The following SKAP1 variants were observed in gnomAD, a reference collection of about 807,000 sequenced individuals.
SKAP1 encodes src kinase associated phosphoprotein 1, also known as src kinase-associated phosphoprotein 1.
In SKAP1, 44 loss-of-function variants were observed where a neutral mutation model predicts 58.5. The observed-to-expected ratio is 0.75, with a 90% CI of 0.59 to 0.97. The LOEUF (loss-of-function observed/expected upper bound fraction) is 0.97, where lower values mean the gene tolerates loss of function less well. Ranked by LOEUF, SKAP1 falls within the 50% of genes least tolerant of loss-of-function variation. SKAP1 has a pLI of 0.00. For missense variants in SKAP1, 390 were observed against 435.2 expected, an observed-to-expected ratio of 0.90 and a Z score of 0.92; for synonymous variants, 127 against 149.7, an observed-to-expected ratio of 0.85 and a Z score of 1.11.
At chr17:48,306,716 T>C (rs2066146689) in intron 4 of SKAP1, among the ~76,000 whole-genome samples, 1 of 152,220 alleles carries the variant, frequency 6.6e-6, no homozygotes, top group African/African-American at 2.4e-5. Flanking sequence ...AATTTCAATT[T>C]TAGAATGAAT....
At chr17:48,442,099 T>C in the SKAP1 span, among the ~76,000 whole-genome samples, 2 of 152,110 alleles carry the variant, frequency 1.3e-5, no homozygotes, top group African/African-American at 4.8e-5. Context: ...TTTAGTGTTT[T>C]AAGGAGGAGG....
intron 11 of SKAP1, among the ~76,000 whole-genome samples, chr17:48,141,674 GC>G (rs2063769195): frequency 6.6e-6 from 1 of 152,058 alleles, no homozygotes; most frequent in Admixed American, 6.5e-5. Context: ...ACTGTGCCTG[GC>G]CACCCCTTAA....
intron 3 of SKAP1, among the ~76,000 whole-genome samples, chr17:48,360,911 A>C (rs758552652): frequency 1.1e-4 from 17 of 152,120 alleles, no homozygotes; most frequent in Non-Finnish European, 1.8e-4. Context: ...ATTACTACTA[A>C]TCTTCAACAA....
chr17:48,289,017 G>A (rs1181763871), intron 4 of SKAP1, among the ~76,000 whole-genome samples: 1 of 152,010 alleles, frequency 6.6e-6, no homozygotes, highest in African/African-American at 2.4e-5. Context: ...TAAAACAGAG[G>A]CATCCCCAGG....
At chr17:48,421,676 G>T (rs1311955481) in intron 1 of SKAP1, among the ~76,000 whole-genome samples, 1 of 152,150 alleles carries the variant, frequency 6.6e-6, no homozygotes, top group Non-Finnish European at 1.5e-5. Context: ...TACACAAACA[G>T]ACTAGGTAAA....
chr17:48,239,000 C>G (rs542766292), intron 4 of SKAP1, among the ~76,000 whole-genome samples: 1 of 152,270 alleles, frequency 6.6e-6, no homozygotes, highest in Non-Finnish European at 1.5e-5. Flanking sequence ...AGACAGGTAT[C>G]TTTAGTTATT....
intron 1 of SKAP1, 21 bp from the exon 2 acceptor site, chr17:48,396,806 A>G: frequency 6.4e-7 from 1 of 1,566,620 alleles, no homozygotes; most frequent in Non-Finnish European, 8.8e-7. Context: ...AGGAAAGTTG[A>G]TAAAACAGAA....
intron 4 of SKAP1, among the ~76,000 whole-genome samples, chr17:48,195,308 G>A (rs68092669): frequency 0.032 from 4,872 of 152,254 alleles, 90 homozygotes; most frequent in East Asian, 0.054. Context: ...GTCATCTTCC[G>A]ATGCTAACAA....
At chr17:48,412,460 A>G (rs187982806) in intron 1 of SKAP1, among the ~76,000 whole-genome samples, 12 of 152,290 alleles carry the variant, frequency 7.9e-5, no homozygotes, top group Admixed American at 2.0e-4. Context: ...ATAGACTTTA[A>G]TTTTTGGTCC....
upstream of SKAP1, chr17:48,430,264 T>C (rs886624157): frequency 1.1e-5 from 6 of 522,828 alleles, no homozygotes; most frequent in Admixed American, 2.0e-4. Context: ...GGCGGGGCCG[T>C]GGGTCCCCGG....
Position 48,192,814 on chromosome 17 carries a change from C to A in SKAP1, c.281-3314G>T, listed in dbSNP as rs144878543. Among the ~76,000 whole-genome samples the A allele has an allele frequency of 1.0e-3, 158 of 152,292 alleles. 1 individual carries two copies. Among genetic ancestry groups the A allele is most frequent in the Non-Finnish European group, 1.4e-3 (94 of 68,022 alleles). ...CTAAGGAAACAAAGACATAATACAGCAGAGATGTAACTCTAAGTCACTAAT... is the reference window on the plus strand; with the variant it reads ...CTAAGGAAACAAAGACATAATACAGAAGAGATGTAACTCTAAGTCACTAAT... On this transcript the variant is annotated intron_variant, in intron 4 of 12. Coordinates refer to ENST00000336915, the MANE Select transcript of SKAP1 (RefSeq NM_003726.4).
Position 48,424,700 on chromosome 17 carries a change from C to T in SKAP1, c.46+5375G>A, listed in dbSNP as rs1307765189. Among the ~76,000 whole-genome samples the T allele has an allele frequency of 4.4e-4, 61 of 139,454 alleles. No individual in the cohort carries two copies. In the Middle Eastern group the frequency reaches 0.015, roughly 34 times the overall value. The allele number at this position is 139,454 out of a possible 152,430, so 91.5% of individuals were successfully genotyped here. ...CTGTAATGCCAGCACTTTGGGAGGC[C>T]GAGGCAGGCGGATCACGAGGTCAAG... On this transcript the variant is annotated intron_variant, in intron 1 of 12. Transcript: ENST00000336915.
chr17:48,359,818 T>C (rs1016556308), intron 3 of SKAP1, among the ~76,000 whole-genome samples: 2 of 152,020 alleles, frequency 1.3e-5, no homozygotes, highest in Non-Finnish European at 2.9e-5. Flanking sequence ...GTTGCCCAGA[T>C]TGATCTCAAA....
At chr17:48,245,385 T>C (rs1179293505) in intron 4 of SKAP1, among the ~76,000 whole-genome samples, 1 of 152,228 alleles carries the variant, frequency 6.6e-6, no homozygotes, top group Admixed American at 6.5e-5. Context: ...GACAGGTTGC[T>C]GTTGATTACG....
intron 11 of SKAP1, 131 bp downstream of exon 11, chr17:48,162,338 T>C: frequency 1.8e-6 from 1 of 549,842 alleles, no homozygotes; most frequent in Non-Finnish European, 3.1e-6. Flanking sequence ...CTAACAATTA[T>C]GAATAAATGG....
intron 4 of SKAP1, among the ~76,000 whole-genome samples, chr17:48,331,439 C>T (rs1477174028): frequency 1.3e-5 from 2 of 152,158 alleles, no homozygotes; most frequent in Admixed American, 6.5e-5. Context: ...GTGGCTCACA[C>T]CTGTAATCAC....
At chr17:48,193,818 A>G (rs2064584743) in intron 4 of SKAP1, 1 of 719,564 alleles carries the variant, frequency 1.4e-6, no homozygotes, top group African/African-American at 1.9e-5. Context: ...AATGCATAAT[A>G]GAAAGTATGT....
chr17:48,242,588 T>C (rs1444451354), intron 4 of SKAP1, among the ~76,000 whole-genome samples: 1 of 152,200 alleles, frequency 6.6e-6, no homozygotes, highest in Admixed American at 6.5e-5. Context: ...CTCCATTTTT[T>C]ATTTCCCACC....
At chr17:48,409,292 G>T (rs2067631144) in intron 1 of SKAP1, among the ~76,000 whole-genome samples, 1 of 152,200 alleles carries the variant, frequency 6.6e-6, no homozygotes, top group African/African-American at 2.4e-5. Flanking sequence ...AAGAGTGGAA[G>T]CAACCAAAAT....
Sources: allele counts gnomAD v4.1 joint callset (sites outside exome capture counted in the v4.1 genomes callset), GRCh38; gene constraint gnomAD v4.1.1; transcripts MANE v1.5; gene names NCBI Gene and HGNC (gene_info 2026-07-23, HGNC 2026-07-21).